MYH11: variants seen among roughly 807,000 people sequenced by gnomAD.
The protein encoded by MYH11 is myosin heavy chain 11, also known as myosin-11.
Under a neutral mutation model 246.6 loss-of-function variants are expected in MYH11, and 80 were observed. The observed-to-expected ratio is 0.32, with a 90% CI of 0.27 to 0.39. The LOEUF (loss-of-function observed/expected upper bound fraction) is 0.39. MYH11 is among the 10% of genes least tolerant of loss of function. The pLI, the probability that MYH11 is intolerant of heterozygous loss-of-function variation, is 1.00. For missense variants in MYH11, 2,158 were observed against 2,546.8 expected, an observed-to-expected ratio of 0.85 and a Z score of 3.29; for synonymous variants, 1,071 against 1,015.5, an observed-to-expected ratio of 1.05 and a Z score of -1.04.
intron 9 of MYH11, among the ~76,000 whole-genome samples, chr16:15,770,273 G>A (rs2042070670): frequency 1.3e-5 from 2 of 152,152 alleles, no homozygotes; most frequent in Non-Finnish European, 2.9e-5. Flanking sequence ...TATCTTCGGA[G>A]GAGCTGCCCC....
chr16:15,805,143 T>C (rs1481903566), intron 3 of MYH11, among the ~76,000 whole-genome samples: 4 of 152,226 alleles, frequency 2.6e-5, no homozygotes, highest in African/African-American at 7.2e-5. Flanking sequence ...AGGATGGCCA[T>C]GGACCGTGGT....
chr16:15,714,614 TGGA>T (rs1567682748), intron 40 of MYH11: 1 of 545,270 alleles, frequency 1.8e-6, no homozygotes, highest in Non-Finnish European at 3.3e-6. Flanking sequence ...AAGGAGGGGC[TGGA>T]GGAGACAGTG....
At chr16:15,802,999 T>A (rs1226181041) in intron 3 of MYH11, among the ~76,000 whole-genome samples, 1 of 151,798 alleles carries the variant, frequency 6.6e-6, no homozygotes, top group Non-Finnish European at 1.5e-5. Context: ...TAGCCAGGCA[T>A]GGCGGCAGGC....
intron 7 of MYH11, among the ~76,000 whole-genome samples, chr16:15,778,500 C>T (rs1309676929): frequency 6.6e-6 from 1 of 152,162 alleles, no homozygotes; most frequent in Non-Finnish European, 1.5e-5. Flanking sequence ...TGATGAGGCA[C>T]AGAGAGGTGG....
chr16:15,797,736 G>A (rs541587235), intron 4 of MYH11, among the ~76,000 whole-genome samples: 1 of 152,004 alleles, frequency 6.6e-6, no homozygotes, highest in East Asian at 1.9e-4. Context: ...GCAGAGTAAG[G>A]AAAATTCGAT....
At chr16:15,719,540 C>T (rs200648205) in intron 35 of MYH11, 45 bp downstream of exon 35, 62 of 1,612,482 alleles carry the variant, frequency 3.8e-5, no homozygotes, top group African/African-American at 1.1e-4. Context: ...GGGGTGCTAC[C>T]GTGACACCCG....
At position 15,747,678 on chromosome 16, in the gene MYH11, A is replaced by G; in HGVS notation, c.2303T>C (p.Ile768Thr). 1 of 1,613,948 alleles carries G rather than the reference A, an allele frequency of 6.2e-7. No individual in the cohort carries two copies. The highest frequency in any genetic ancestry group is 8.5e-7 in the Non-Finnish European group (1 of 1,180,002). ...GGCCAGGACGCCAGTTCGGAAGAAG[A>G]TTTTGCTCTGCCCTATCCTGTATAA... Reference protein sequence around the residue: ...PNLYRIGQSKIFFRTGVLAHL... With the variant: ...PNLYRIGQSKTFFRTGVLAHL... The change falls in exon 19 of 41, where the codon ATC becomes ACC. Residue 768 changes from isoleucine to threonine, a missense_variant. Coordinates refer to ENST00000300036, the MANE Select transcript of MYH11 (RefSeq NM_002474.3).
rs1442133544 is a variant in MYH11 at position 15,800,595 on chromosome 16, AGTTGGATGGATG to A, written c.503-1920_503-1909del. Among the ~76,000 whole-genome samples the A allele has an allele frequency of 3.7e-5, 5 of 134,894 alleles. No individual in the cohort carries two copies. In the East Asian group the frequency reaches 1.1e-3, roughly 30 times the overall value. The allele number at this position is 134,894 out of a possible 152,430, so 88.5% of individuals were successfully genotyped here. A position where few individuals can be genotyped will look rare whatever the true frequency, so the allele number is the denominator to read the frequency against. On this transcript the variant is annotated intron_variant, in intron 3 of 40. Coordinates refer to ENST00000300036, the MANE Select transcript of MYH11 (RefSeq NM_002474.3). ...GACAGAGTGTATAGGCCGGTAAATG[AGTTGGATGGATG>A]GATGGATGGATGGATGGATGGATGG...
intron 2 of MYH11, among the ~76,000 whole-genome samples, chr16:15,830,747 G>T (rs1045556301): frequency 1.3e-5 from 2 of 151,082 alleles, no homozygotes; most frequent in East Asian, 3.9e-4. Context: ...GTGTGGTGAT[G>T]CACACCTGTA....
intron 28 of MYH11, chr16:15,726,369 C>CTTT (rs781567624): frequency 7.4e-5 from 11 of 149,614 alleles, no homozygotes; most frequent in South Asian, 1.8e-4. Context: ...GGTTTTTTTT[C>CTTT]TTTTTTTTTT....
At chr16:15,719,085 G>A in intron 36 of MYH11, 135 bp downstream of exon 36, 1 of 832,952 alleles carries the variant, frequency 1.2e-6, no homozygotes, top group South Asian at 1.5e-5. Flanking sequence ...CCAAGATTGT[G>A]CCACTGCCCT....
intron 4 of MYH11, among the ~76,000 whole-genome samples, chr16:15,793,706 G>GC (rs2042672464): frequency 1.5e-5 from 2 of 134,258 alleles, no homozygotes; most frequent in Admixed American, 1.7e-4. Context: ...TGCAAGCTCC[G>GC]CCCCCCAGGT....
chr16:15,762,564 A>G (rs1218522170), intron 10 of MYH11, among the ~76,000 whole-genome samples: 1 of 152,080 alleles, frequency 6.6e-6, no homozygotes, highest in Admixed American at 6.5e-5. Context: ...ATCTGATCTT[A>G]TGGCCTCTGT....
rs1192091167 is a variant in MYH11, at chr16:15,753,515, A to G, written c.1750-7T>C. The G allele has an allele frequency of 1.9e-6, 3 of 1,610,264 alleles. No individual in the cohort carries two copies. The highest frequency in any genetic ancestry group is 2.2e-5 in the East Asian group (1 of 44,870). On this transcript the variant is annotated splice_polypyrimidine_tract_variant and splice_region_variant and intron_variant, in intron 14 of 40. Transcript: ENST00000300036. Reference sequence around the variant, plus strand: ...CACTCGCATTATAGTCCACCTGCCAAGGACACCCTGCTGGTCAGAACCCCT... The same window carrying G: ...CACTCGCATTATAGTCCACCTGCCAGGGACACCCTGCTGGTCAGAACCCCT...
chr16:15,724,002 TCCATGGTCGC>T (rs2040616814), intron 31 of MYH11, among the ~76,000 whole-genome samples, 149 bp downstream of exon 31: 2 of 152,118 alleles, frequency 1.3e-5, no homozygotes, highest in South Asian at 4.1e-4. Context: ...GCGTTAATGC[TCCATGGTCGC>T]CCAAGACAAG....
intron 4 of MYH11, 95 bp from the exon 5 acceptor site, chr16:15,786,827 A>G (rs2042481574): frequency 8.8e-7 from 1 of 1,141,696 alleles, no homozygotes; most frequent in Admixed American, 2.0e-5. Flanking sequence ...CATCACCACC[A>G]TTTCCCAGAG....
chr16:15,719,415 A>G, intron 35 of MYH11, 107 bp from the exon 36 acceptor site: 1 of 1,469,128 alleles, frequency 6.8e-7, no homozygotes, highest in East Asian at 2.3e-5. Flanking sequence ...TCTTCCTCTG[A>G]GCTCAGGGGA....
intron 40 of MYH11, among the ~76,000 whole-genome samples, chr16:15,710,911 C>T (rs1355506686): frequency 1.3e-5 from 2 of 152,166 alleles, no homozygotes; most frequent in African/African-American, 4.8e-5. Context: ...CTCCTGACCT[C>T]AGGTGATCAG....
chr16:15,718,378 C>T lies in MYH11; in HGVS notation c.5232G>A (p.Glu1744=), dbSNP rs1596709576. 1.4e-5 allele frequency: 23 copies of T among 1,606,246 alleles called. No individual in the cohort carries two copies. Among genetic ancestry groups the T allele is most frequent in the Non-Finnish European group, 1.9e-5 (22 of 1,178,576 alleles). ...LEARIAQLEE[E]LEEEQGNMEA... ...CCATGTTGCCCTGCTCCTCCTCCAG[C>T]TCCTCCTCCAGCTGGGCGATCCGGG... Residue 1744 remains glutamate (E), a synonymous_variant, in exon 37 of 41, where the codon GAG becomes GAA. Coordinates refer to ENST00000300036, the MANE Select transcript of MYH11 (RefSeq NM_002474.3).
Sources: allele counts gnomAD v4.1 joint callset (sites outside exome capture counted in the v4.1 genomes callset), GRCh38; gene constraint gnomAD v4.1.1; transcripts MANE v1.5; gene names NCBI Gene and HGNC (gene_info 2026-07-23, HGNC 2026-07-21).